POSTN: variants seen among roughly 807,000 people sequenced by gnomAD.
The protein encoded by POSTN is osteoblast specific factor 2 (fasciclin I-like).
A neutral mutation model predicts 104.5 loss-of-function variants in POSTN; 71 were observed. That is an observed-to-expected ratio of 0.68 (90% CI 0.56 to 0.83). The LOEUF (loss-of-function observed/expected upper bound fraction) is 0.83. POSTN is among the 40% of genes least tolerant of loss of function. POSTN has a pLI of 0.00. For synonymous variants in POSTN, 355 were observed against 340.7 expected, an observed-to-expected ratio of 1.04 and a Z score of -0.46; for missense variants, 949 against 1,006.8, an observed-to-expected ratio of 0.94 and a Z score of 0.78.
chr13:37,598,148 A>G (rs535367097), intron 1 of POSTN, among the ~76,000 whole-genome samples: 1 of 152,326 alleles, frequency 6.6e-6, no homozygotes, highest in Non-Finnish European at 1.5e-5. Flanking sequence ...TCAGAGAACT[A>G]GTTACATTAC....
At chr13:37,598,233 C>G (rs1219047996) in intron 1 of POSTN, among the ~76,000 whole-genome samples, 2 of 151,966 alleles carry the variant, frequency 1.3e-5, no homozygotes. Flanking sequence ...ATGCTGTTTG[C>G]ATACATATGA....
At chr13:37,581,599 T>C (rs1950591483) in intron 10 of POSTN, among the ~76,000 whole-genome samples, 1 of 152,088 alleles carries the variant, frequency 6.6e-6, no homozygotes, top group South Asian at 2.1e-4. Flanking sequence ...GTTGTGCACC[T>C]ATAGTCCTAG....
chr13:37,564,186 A>ACAAAACAT (rs1480032956), intron 22 of POSTN, among the ~76,000 whole-genome samples: 1,084 of 49,802 alleles, frequency 0.022, 1 homozygote, highest in African/African-American at 0.041. Context: ...CATTACATAT[A>ACAAAACAT]TATATATATA....
intron 2 of POSTN, among the ~76,000 whole-genome samples, chr13:37,593,749 A>G (rs1279464183): frequency 6.6e-6 from 1 of 151,570 alleles, no homozygotes; most frequent in East Asian, 1.9e-4. Flanking sequence ...AAAAATGATA[A>G]AAGCAAACTA....
intron 17 of POSTN, among the ~76,000 whole-genome samples, chr13:37,572,163 A>G (rs2138193441): frequency 6.6e-6 from 1 of 151,816 alleles, no homozygotes; most frequent in East Asian, 1.9e-4. Flanking sequence ...GCTGCTTACT[A>G]CATTAGTTAA....
Position 37,592,050 on chromosome 13 carries a change from C to A in POSTN, c.283+50G>T. ...TGGCTTCTCCACAAGCCACCTCAAC[C>A]CTTTCTTTGCATATAATTCCTTATT... is the stretch of plus-strand genomic sequence containing the variant. On this transcript the variant is annotated intron_variant, in intron 3 of 22. Transcript: ENST00000379747. The A allele has an allele frequency of 2.9e-6, 4 of 1,357,044 alleles. No homozygotes were observed. In the South Asian group the frequency reaches 3.5e-5, roughly 12 times the overall value. The allele number at this position is 1,357,044 out of a possible 1,614,324, so 84.1% of individuals were successfully genotyped here.
chr13:37,574,455 T>G (rs575553035), intron 17 of POSTN, 117 bp downstream of exon 17: 8 of 1,347,398 alleles, frequency 5.9e-6, no homozygotes, highest in Non-Finnish European at 7.8e-6. Flanking sequence ...GGTATAATAT[T>G]GGTTATATAA....
intron 10 of POSTN, among the ~76,000 whole-genome samples, 198 bp downstream of exon 10, chr13:37,582,168 T>C (rs891785533): frequency 1.3e-5 from 2 of 152,206 alleles, no homozygotes; most frequent in Non-Finnish European, 2.9e-5. Flanking sequence ...ATGCAAAATA[T>C]CTATCTGAGT....
chr13:37,598,283 T>C (rs2138428339), intron 1 of POSTN, among the ~76,000 whole-genome samples: 1 of 152,198 alleles, frequency 6.6e-6, no homozygotes, highest in Non-Finnish European at 1.5e-5. Context: ...GAAAACTCAA[T>C]TTCAGATTTT....
At chr13:37,593,549 A>T (rs1170954122) in intron 2 of POSTN, among the ~76,000 whole-genome samples, 5 of 151,388 alleles carry the variant, frequency 3.3e-5, no homozygotes. Context: ...TGTCAAACAG[A>T]TTATGACAAT....
At position 37,593,790 on chromosome 13, in the gene POSTN, G is replaced by A. The variant is rs1477466780; in HGVS notation, c.219-1626C>T. The stretch of plus-strand genomic sequence containing the variant: ...AAGCAAAAATTTTAATGATATAAAA[G>A]ATGATTTTATAGAGTTGAATAAAAG... On this transcript the variant is annotated intron_variant, in intron 2 of 22. Coordinates refer to ENST00000379747, the MANE Select transcript of POSTN (RefSeq NM_006475.3). 4.0e-5 allele frequency among the ~76,000 whole-genome samples: 6 copies of A among 151,478 alleles called. No individual in the cohort carries two copies. In the East Asian group the frequency reaches 9.7e-4, roughly 25 times the overall value.
intron 22 of POSTN, 99 bp downstream of exon 22, chr13:37,564,418 CAA>C: frequency 1.5e-6 from 1 of 685,608 alleles, no homozygotes. Context: ...TGATCGATAA[CAA>C]GTTTCAATAA....
Position 37,570,475 on chromosome 13 carries a change from A to G in POSTN, c.2269+105T>C. 3 of 723,816 alleles carry G rather than the reference A, an allele frequency of 4.1e-6. No homozygotes were observed. The South Asian group carries it at 5.8e-5, about 14-fold the overall frequency. 44.8% of individuals were successfully genotyped at this position (723,816 alleles called of 1,614,324 possible). A position where few individuals can be genotyped will look rare whatever the true frequency, so the allele number is the denominator to read the frequency against. ...AAAATATGAAGTAACTTTAGTAATCACTATGAAAATGACTTGTTTCTTTAA... is the reference window on the plus strand; with the variant it reads ...AAAATATGAAGTAACTTTAGTAATCGCTATGAAAATGACTTGTTTCTTTAA... On this transcript the variant is annotated intron_variant, in intron 19 of 22. Coordinates refer to ENST00000379747, the MANE Select transcript of POSTN (RefSeq NM_006475.3).
chr13:37,587,710 C>T (rs1950790044), intron 5 of POSTN, 112 bp downstream of exon 5: 7 of 885,950 alleles, frequency 7.9e-6, no homozygotes, highest in Admixed American at 3.1e-5. Flanking sequence ...TAATATAGCA[C>T]TTACCTTATT....
rs370902652 is a variant in POSTN, at chr13:37,587,979, C to T, written c.449G>A (p.Arg150His). Residue 150 changes from arginine to histidine, a missense_variant, in exon 5 of 23, where the codon CGT (arginine) becomes CAT (histidine). By Grantham distance (29) the Arg-to-His change is conservative. Coordinates refer to ENST00000379747, the MANE Select transcript of POSTN (RefSeq NM_006475.3). ...EAWDNLDSDI[R>H]RGLESNVNVE... ...ATTCACGTTGCTCTCCAAACCTCTA[C>T]GGATATCCTAGGAAAAATTGCAATG... 3.3e-5 allele frequency: 52 copies of T among 1,590,194 alleles called. No homozygotes were observed. The African/African-American group carries it at 3.5e-4, about 11-fold the overall frequency.
intron 7 of POSTN, among the ~76,000 whole-genome samples, chr13:37,585,716 CT>C (rs1325832543): frequency 6.6e-6 from 1 of 152,102 alleles, no homozygotes. Flanking sequence ...AGCAAAGAAG[CT>C]TGGAAAGCCA....
In POSTN at chr13:37,584,079, C is replaced by T. The variant is rs1163613650; in HGVS notation, c.1133G>A (p.Gly378Glu). Residue 378 changes from glycine to glutamate, a missense_variant, in exon 9 of 23, where the codon GGA (glycine) becomes GAA (glutamate). Physicochemically the swap from Gly to Glu is moderately conservative, Grantham distance 98 (BLOSUM62 -2). Transcript: ENST00000379747. The stretch of plus-strand genomic sequence containing the variant: ...ATCCGTGAAGGTGGTTTGCTGTTTT[C>T]CAGCCAGCTCAATAACTTGTTTGGC... ...DSAKQVIELAGKQQTTFTDLV... is the reference protein window; with the variant it reads ...DSAKQVIELAEKQQTTFTDLV... The T allele has an allele frequency of 1.2e-6, 2 of 1,613,840 alleles. No individual in the cohort carries two copies. The highest frequency in any genetic ancestry group is 1.7e-6 in the Non-Finnish European group (2 of 1,179,890).
At chr13:37,592,195 T>C (rs761860919) in intron 2 of POSTN, 31 bp from the exon 3 acceptor site, 4 of 1,281,252 alleles carry the variant, frequency 3.1e-6, no homozygotes, top group Non-Finnish European at 4.4e-6. Flanking sequence ...AATATTAAAA[T>C]GAGAAACTAA....
In POSTN at chr13:37,579,217, T is replaced by C. The variant is rs753212823; in HGVS notation, c.1791+12A>G. 3.1e-6 allele frequency: 5 copies of C among 1,609,500 alleles called. No homozygotes were observed. Among genetic ancestry groups the C allele is most frequent in the East Asian group, 2.2e-5 (1 of 44,718 alleles). Reference sequence around the variant, plus strand: ...GATGAACACTATCATAAATTCATTCTAGACAACTTACTTCTTTCAGAAAGA... The same window carrying C: ...GATGAACACTATCATAAATTCATTCCAGACAACTTACTTCTTTCAGAAAGA... On this transcript the variant is annotated intron_variant, in intron 13 of 22. Coordinates refer to ENST00000379747, the MANE Select transcript of POSTN (RefSeq NM_006475.3).
Sources: gnomAD v4.1 joint callset for allele counts (sites outside exome capture counted in the v4.1 genomes callset) on GRCh38, gnomAD v4.1.1 for gene constraint, MANE v1.5 for transcripts, NCBI Gene and HGNC (gene_info 2026-07-23, HGNC 2026-07-21) for gene names.